Variants in SCRIB observed in about 807,000 individuals in gnomAD.
SCRIB encodes the protein protein scribble homolog.
In SCRIB, 72 loss-of-function variants were observed where a neutral mutation model predicts 170.0. The ratio of observed to expected loss-of-function variants is 0.42; its 90% CI spans 0.35 to 0.52. The LOEUF (loss-of-function observed/expected upper bound fraction) is 0.52, where lower values mean the gene tolerates loss of function less well. Among genes scored for constraint, SCRIB ranks in the 20% least tolerant of loss-of-function variants. SCRIB has a pLI of 0.02. For synonymous variants in SCRIB, 1,298 were observed against 1,044.3 expected (o/e 1.24, Z -4.68); for missense variants, 2,475 against 2,338.5 (o/e 1.06, Z -1.20).
At chr8:143,809,374 ACCCCCAGCAGCACGGC>A (rs1815597096) in intron 14 of SCRIB, among the ~76,000 whole-genome samples, 161 bp downstream of exon 14, 1 of 151,792 alleles carries the variant, frequency 6.6e-6, no homozygotes, top group African/African-American at 2.4e-5. Flanking sequence ...TCTCCAGGGC[ACCCCCAGCAGCACGGC>A]CCTGCACCAC....
At chr8:143,797,985 G>T (rs1195549202) in intron 24 of SCRIB, among the ~76,000 whole-genome samples, 1 of 152,216 alleles carries the variant, frequency 6.6e-6, no homozygotes, top group Non-Finnish European at 1.5e-5. Flanking sequence ...GAAACAAATG[G>T]CAGAATAAAC....
intron 24 of SCRIB, among the ~76,000 whole-genome samples, chr8:143,800,200 C>T (rs986437783): frequency 6.6e-5 from 10 of 152,138 alleles, no homozygotes; most frequent in Non-Finnish European, 1.0e-4. Flanking sequence ...GCCCCAAGCC[C>T]GCTGATGAAA....
chr8:143,791,547 G>A lies in SCRIB; in HGVS notation c.4771-107C>T, dbSNP rs1820080907. 4 of 1,573,448 alleles carry A rather than the reference G, an allele frequency of 2.5e-6. No individual in the cohort carries two copies. The East Asian group carries it at 6.8e-5, about 27-fold the overall frequency. ...AGGCCCACAGAGCCCGGCTGAAGGG[G>A]GAGGGGGGGTGAAGAGGCAGGGCCA... On this transcript the variant is annotated intron_variant, in intron 35 of 36. Coordinates refer to ENST00000356994, the MANE Select transcript of SCRIB (RefSeq NM_182706.5).
Position 143,810,694 on chromosome 8 carries a change from C to G in SCRIB, c.1396G>C (p.Glu466Gln). 1 of 1,603,578 alleles carries G rather than the reference C, an allele frequency of 6.2e-7. No homozygotes were observed. The highest frequency in any genetic ancestry group is 8.5e-7 in the Non-Finnish European group (1 of 1,172,800). ...GATCCTCACCCTCATACCCGCTTCT[C>G]AGCTGCAGCTTCCTCAGCGTCCTCA... ...GDEDAEEAAA[E>Q]KRGLQRRATP... The change falls in exon 12 of 37, where the codon GAG becomes CAG. Residue 466 changes from glutamate to glutamine, a missense_variant. Transcript: ENST00000356994.
In SCRIB at chr8:143,808,945, C is replaced by A; in HGVS notation, c.1779G>T (p.Trp593Cys). ...EIEEGQPEAP[W>C]TLPGGRQRLI... ...GCCGCTGCCTCCCGCCTGGCAGGGT[C>A]CAGGGGGCCTCAGGCTGCCCCTCCT... is the stretch of plus-strand genomic sequence containing the variant. The change falls in exon 15 of 37, where the codon TGG (tryptophan) becomes TGT (cysteine). Residue 593 changes from tryptophan (W) to cysteine (C), a missense_variant. This residue lies in a region of SCRIB where 1,966 missense variants were observed against 1,742.9 expected (regional missense o/e 1.13). Coordinates refer to ENST00000356994, the MANE Select transcript of SCRIB (RefSeq NM_182706.5). 6.2e-7 allele frequency: 1 copy of A among 1,612,810 alleles called. No individual in the cohort carries two copies. The highest frequency in any genetic ancestry group is 8.5e-7 in the Non-Finnish European group (1 of 1,180,010).
At chr8:143,793,411 G>A in intron 28 of SCRIB, 1 of 285,336 alleles carries the variant, frequency 3.5e-6, no homozygotes, top group Non-Finnish European at 6.6e-6. Flanking sequence ...AGGGACGGGG[G>A]TAGAGAGGGG....
intron 1 of SCRIB, among the ~76,000 whole-genome samples, chr8:143,814,507 A>G (rs1260632620): frequency 6.6e-6 from 1 of 152,136 alleles, no homozygotes; most frequent in East Asian, 1.9e-4. Context: ...CTGGTTCTGC[A>G]GCAAGAACTC....
intron 17 of SCRIB, 94 bp downstream of exon 17, chr8:143,806,828 TGA>T: frequency 1.1e-6 from 1 of 907,890 alleles, no homozygotes. Flanking sequence ...CCAGAGCGTG[TGA>T]GTGTTCTCAG....
Position 143,793,063 on chromosome 8 carries a change from CGGAGAA to C in SCRIB, c.3924_3929del (p.Ser1309_Pro1310del), listed in dbSNP as rs1814778381. 2 of 1,466,466 alleles carry C rather than the reference CGGAGAA, an allele frequency of 1.4e-6. No individual in the cohort carries two copies. Among genetic ancestry groups the C allele is most frequent in the East Asian group, 5.3e-5 (2 of 37,902 alleles). The allele number at this position is 1,466,466 out of a possible 1,614,324, so 90.8% of individuals were successfully genotyped here. On this transcript the variant is annotated inframe_deletion, in exon 29 of 37. Coordinates refer to ENST00000356994, the MANE Select transcript of SCRIB (RefSeq NM_182706.5). ...GCTTCACATTGGCGGGCAGCTCATC[CGGAGAA>C]GGCGGGGAGGGCGGCTGGGGGGTGG...
At chr8:143,798,763 A>G (rs1815050601) in intron 24 of SCRIB, among the ~76,000 whole-genome samples, 1 of 152,162 alleles carries the variant, frequency 6.6e-6, no homozygotes, top group South Asian at 2.1e-4. Context: ...CATCTGCTGC[A>G]GAGGCCACAG....
At position 143,814,356 on chromosome 8, in the gene SCRIB, G is replaced by A. The variant is rs75352088; in HGVS notation, c.160-238C>T. ...TTCACACCAGCCTCCACTCTGAGAA[G>A]ACACCTGCTGGCGACCAGACAAAGC... On this transcript the variant is annotated intron_variant, in intron 1 of 36. Transcript: ENST00000356994. Among the ~76,000 whole-genome samples the A allele has an allele frequency of 1.1e-3, 170 of 151,858 alleles. 6 individuals are homozygous for A. The East Asian group carries it at 0.023, about 21-fold the overall frequency.
intron 24 of SCRIB, 123 bp downstream of exon 24, chr8:143,803,260 G>T: frequency 1.1e-6 from 1 of 941,412 alleles, no homozygotes; most frequent in Non-Finnish European, 1.5e-6. Context: ...ATGCAGAGCC[G>T]CAGAGCACCG....
intron 24 of SCRIB, among the ~76,000 whole-genome samples, chr8:143,801,955 G>A (rs868975816): frequency 6.6e-6 from 1 of 152,222 alleles, no homozygotes; most frequent in African/African-American, 2.4e-5. Flanking sequence ...ACAGCAGCGC[G>A]GCACGCCGGC....
At position 143,808,819 on chromosome 8, in the gene SCRIB, A is replaced by G. The variant is rs1554637292; in HGVS notation, c.1905T>C (p.Asp635=). ...VVALLQGMQP[D]GEGPVAPGGW... is the part of the protein sequence containing the mutation. ...CCCCGGGAGCCACAGGGCCCTCCCCATCAGGCTGCATGCCCTGCAGCAGAG... is the reference window on the plus strand; with the variant it reads ...CCCCGGGAGCCACAGGGCCCTCCCCGTCAGGCTGCATGCCCTGCAGCAGAG... The change falls in exon 15 of 37, where the codon GAT becomes GAC. Residue 635 remains aspartate, a synonymous_variant. Coordinates refer to ENST00000356994, the MANE Select transcript of SCRIB (RefSeq NM_182706.5). 1 of 1,611,746 alleles carries G rather than the reference A, an allele frequency of 6.2e-7. No homozygotes were observed. The highest frequency in any genetic ancestry group is 1.1e-5 in the South Asian group (1 of 91,042).
At chr8:143,814,200 G>T in intron 1 of SCRIB, 82 bp from the exon 2 acceptor site, 1 of 1,179,774 alleles carries the variant, frequency 8.5e-7, no homozygotes, top group Non-Finnish European at 1.2e-6. Context: ...AGTGTCACAA[G>T]TCAAGAGTCC....
In SCRIB at chr8:143,792,650, G is replaced by A. The variant is rs781870424; in HGVS notation, c.4178-15C>T. 2.5e-6 allele frequency: 4 copies of A among 1,592,644 alleles called. No homozygotes were observed. The highest frequency in any genetic ancestry group is 3.4e-5 in the Admixed American group (2 of 58,974). ...TAGTTTTCTGGCTGCCGGAGGGCAGGGTGGGTCAGGCCAGACCAGCCGAGA... is the reference window on the plus strand; with the variant it reads ...TAGTTTTCTGGCTGCCGGAGGGCAGAGTGGGTCAGGCCAGACCAGCCGAGA... On this transcript the variant is annotated splice_polypyrimidine_tract_variant and intron_variant, in intron 30 of 36. Transcript: ENST00000356994.
At chr8:143,814,266 C>T in intron 1 of SCRIB, 148 bp from the exon 2 acceptor site, 5 of 646,434 alleles carry the variant, frequency 7.7e-6, no homozygotes, top group Non-Finnish European at 1.3e-5. Flanking sequence ...CCACGACACC[C>T]CATTTGCAAA....
chr8:143,792,607 C>T lies in SCRIB; in HGVS notation c.4206G>A (p.Gln1402=). The change falls in exon 31 of 37, where the codon CAG becomes CAA. Residue 1402 remains glutamine (Q), a synonymous_variant. Coordinates refer to ENST00000356994, the MANE Select transcript of SCRIB (RefSeq NM_182706.5). ...CAGCCTCTGCCGCCTCCCGCAGCAT[C>T]TGCGCTCTCTTCTGCTGTAGTTTTC... The part of the protein sequence containing the change: ...EARKLQQKRA[Q]MLREAAEAGA... The T allele has an allele frequency of 1.3e-6, 2 of 1,593,048 alleles. No homozygotes were observed. Among genetic ancestry groups the T allele is most frequent in the Non-Finnish European group, 1.7e-6 (2 of 1,176,942 alleles).
At position 143,792,397 on chromosome 8, in the gene SCRIB, G is replaced by T; in HGVS notation, c.4337C>A (p.Pro1446Gln). Residue 1446 changes from proline to glutamine, a missense_variant, in exon 32 of 37, where the codon CCG becomes CAG. By Grantham distance (76) the Pro-to-Gln change is moderately conservative. Around this residue, in one of 3 missense-constraint regions of SCRIB, gnomAD observed 1,966 missense variants for 1,742.9 expected, o/e 1.13. Coordinates refer to ENST00000356994, the MANE Select transcript of SCRIB (RefSeq NM_182706.5). ...ASPSPTSRQS[P>Q]ASPPPLGGGA... Reference sequence around the variant, plus strand: ...ACCTCCCAGGGGTGGGGGGGACGCCGGGCTCTGCCTGGGGAAGGGACAGGA... The same window carrying T: ...ACCTCCCAGGGGTGGGGGGGACGCCTGGCTCTGCCTGGGGAAGGGACAGGA... The T allele has an allele frequency of 6.7e-7, 1 of 1,503,120 alleles. No homozygotes were observed. The highest frequency in any genetic ancestry group is 2.4e-5 in the East Asian group (1 of 42,298). The allele number at this position is 1,503,120 out of a possible 1,614,324, so 93.1% of individuals were successfully genotyped here.
Sources: gnomAD v4.1 joint callset for allele counts (sites outside exome capture counted in the v4.1 genomes callset) on GRCh38, gnomAD v4.1.1 for gene constraint, gnomAD v4.1.1 regional missense constraint, MANE v1.5 for transcripts, NCBI Gene and HGNC (gene_info 2026-07-23, HGNC 2026-07-21) for gene names.